Variants in MAP2K2 observed in about 807,000 individuals in gnomAD.
MAP2K2 encodes dual specificity mitogen-activated protein kinase kinase 2.
In MAP2K2, 24 loss-of-function variants were observed where a neutral mutation model predicts 43.7. The observed-to-expected ratio is 0.55, with a 90% confidence interval of 0.40 to 0.77. MAP2K2 has a LOEUF of 0.77. Among genes scored for constraint, MAP2K2 ranks in the 30% least tolerant of loss-of-function variants. The pLI is 0.00. For synonymous variants in MAP2K2, 244 were observed against 239.7 expected (o/e 1.02, Z -0.17); for missense variants, 470 against 566.8 (o/e 0.83, Z 1.73).
intron 8 of MAP2K2, 117 bp from the exon 9 acceptor site, chr19:4,095,566 AC>A: frequency 1.3e-6 from 1 of 771,768 alleles, no homozygotes; most frequent in Non-Finnish European, 2.1e-6. Flanking sequence ...CCTGGCCGAC[AC>A]CACATGCCAA....
At chr19:4,104,107 T>TA (rs1214114822) in intron 3 of MAP2K2, among the ~76,000 whole-genome samples, 17 of 150,998 alleles carry the variant, frequency 1.1e-4, no homozygotes, top group Admixed American at 5.9e-4. Flanking sequence ...CCACTAAAAA[T>TA]AAAAAAAATT....
chr19:4,095,918 G>A (rs377274109), intron 8 of MAP2K2, among the ~76,000 whole-genome samples: 52 of 152,212 alleles, frequency 3.4e-4, no homozygotes, highest in Non-Finnish European at 1.2e-4. Context: ...GGGATGACAG[G>A]TGCCCACCAC....
chr19:4,102,686 C>A lies in MAP2K2; in HGVS notation c.451-233G>T, dbSNP rs576890418. 3.1e-5 allele frequency: 35 copies of A among 1,119,472 alleles called. No homozygotes were observed. The East Asian group carries it at 9.6e-4, about 31-fold the overall frequency. The allele number at this position is 1,119,472 out of a possible 1,614,324, so 69.3% of individuals were successfully genotyped here. A position where few individuals can be genotyped will look rare whatever the true frequency, so the allele number is the denominator to read the frequency against. ...CAGGGCCCAGGGTTCCCCCGCCTCC[C>A]GTCCCATCCTCGAATCAGTTGCGTG... On this transcript the variant is annotated intron_variant, in intron 3 of 10. Transcript: ENST00000262948.
At position 4,098,870 on chromosome 19, in the gene MAP2K2, C is replaced by T. The variant is rs2145048892; in HGVS notation, c.919+331G>A. On this transcript the variant is annotated intron_variant, in intron 7 of 10. Coordinates refer to ENST00000262948, the MANE Select transcript of MAP2K2 (RefSeq NM_030662.4). ...AGGCTCTGTGGCGGCCAATTCCTTCCACTTTTCTGTGCGTTTGAATGCTTT... is the reference window on the plus strand; with the variant it reads ...AGGCTCTGTGGCGGCCAATTCCTTCTACTTTTCTGTGCGTTTGAATGCTTT... Among the ~76,000 whole-genome samples, 2 of 152,390 alleles carry T rather than the reference C, an allele frequency of 1.3e-5. 1 individual carries two copies. Among genetic ancestry groups the T allele is most frequent in the Non-Finnish European group, 2.9e-5 (2 of 68,036 alleles).
intron 7 of MAP2K2, 150 bp downstream of exon 7, chr19:4,099,051 C>T: frequency 2.9e-6 from 2 of 679,958 alleles, no homozygotes; most frequent in Non-Finnish European, 5.1e-6. Flanking sequence ...AACCCCAGGA[C>T]CATGGGAGGA....
Position 4,090,437 on chromosome 19 carries a change from G to T in MAP2K2, c.*161C>A. On this transcript the variant is annotated 3_prime_UTR_variant, in exon 11 of 11. Transcript: ENST00000262948. ...CCCGGCCAGGACGGGCAGGAGAGGA[G>T]ACCCCCGTTCCTGCATGCGCTGTCG... is the stretch of plus-strand genomic sequence containing the variant. The T allele has an allele frequency of 1.5e-6, 1 of 678,652 alleles. No homozygotes were observed. The highest frequency in any genetic ancestry group is 2.6e-6 in the Non-Finnish European group (1 of 377,550). 42.0% of individuals were successfully genotyped at this position (678,652 alleles called of 1,614,324 possible).
intron 7 of MAP2K2, among the ~76,000 whole-genome samples, chr19:4,098,948 C>T (rs1043793677): frequency 7.9e-5 from 12 of 152,260 alleles, no homozygotes; most frequent in Admixed American, 1.3e-4. Context: ...GGCAAAGCTG[C>T]GCTCCCAGAT....
intron 9 of MAP2K2, 121 bp from the exon 10 acceptor site, chr19:4,094,619 C>T: frequency 1.1e-6 from 1 of 923,370 alleles, no homozygotes; most frequent in South Asian, 1.4e-5. Flanking sequence ...TCTCTCCGAC[C>T]AGAGAGAGTG....
At position 4,101,608 on chromosome 19, in the gene MAP2K2, G is replaced by A. The variant is rs970046392; in HGVS notation, c.529-328C>T. 2.0e-5 allele frequency among the ~76,000 whole-genome samples: 3 copies of A among 152,162 alleles called. No individual in the cohort carries two copies. Among genetic ancestry groups the A allele is most frequent in the African/African-American group, 4.8e-5 (2 of 41,432 alleles). On this transcript the variant is annotated intron_variant, in intron 4 of 10. Transcript: ENST00000262948. The surrounding 1 kb of genome is among the most constrained non-coding windows in gnomAD (Gnocchi z 6.3). ...TGGCCCGGGAGTAGGCTGGGCTGCCGAGTTTGCCCACATCAGCCTGAAAGG... is the reference window on the plus strand; with the variant it reads ...TGGCCCGGGAGTAGGCTGGGCTGCCAAGTTTGCCCACATCAGCCTGAAAGG...
intron 6 of MAP2K2, 48 bp from the exon 7 acceptor site, chr19:4,099,462 G>T (rs2040969716): frequency 6.7e-7 from 1 of 1,487,112 alleles, no homozygotes; most frequent in Non-Finnish European, 9.2e-7. Flanking sequence ...GAGGATGGCA[G>T]CTGGAACCCG....
At chr19:4,096,083 T>C (rs1221238757) in intron 8 of MAP2K2, among the ~76,000 whole-genome samples, 4 of 152,206 alleles carry the variant, frequency 2.6e-5, no homozygotes, top group Non-Finnish European at 4.4e-5. Context: ...CCAAACTGGG[T>C]CCACAGTTTT....
At chr19:4,108,577 C>A (rs2041117216) in intron 3 of MAP2K2, among the ~76,000 whole-genome samples, 1 of 152,062 alleles carries the variant, frequency 6.6e-6, no homozygotes. Flanking sequence ...AAAGGGTGCA[C>A]TCCATAACAC....
chr19:4,122,782 CT>C (rs1268810759), intron 1 of MAP2K2, among the ~76,000 whole-genome samples: 1 of 151,296 alleles, frequency 6.6e-6, no homozygotes, highest in Non-Finnish European at 1.5e-5. Flanking sequence ...CATTTCACTA[CT>C]CAGAGACCTA....
At chr19:4,120,220 G>C (rs1434273292) in intron 1 of MAP2K2, among the ~76,000 whole-genome samples, 2 of 152,216 alleles carry the variant, frequency 1.3e-5, no homozygotes, top group African/African-American at 4.8e-5. Context: ...TGCTGAACAA[G>C]GACCCAGAAG....
intron 2 of MAP2K2, among the ~76,000 whole-genome samples, chr19:4,117,080 C>T (rs995480995): frequency 6.6e-6 from 1 of 152,244 alleles, no homozygotes; most frequent in Non-Finnish European, 1.5e-5. Flanking sequence ...AACACACACA[C>T]GCTTCGTCTT....
intron 3 of MAP2K2, 74 bp downstream of exon 3, chr19:4,110,434 AG>A: frequency 3.8e-6 from 6 of 1,579,218 alleles, no homozygotes; most frequent in Non-Finnish European, 3.5e-6. Flanking sequence ...AGGGGCCGTG[AG>A]GGGGTCTTCC....
rs2145080530 is a variant in MAP2K2 at position 4,117,555 on chromosome 19, G to C, written c.167C>G (p.Ala56Gly). Residue 56 changes from alanine (A) to glycine (G), a missense_variant, in exon 2 of 11, where the codon GCC (alanine) becomes GGC (glycine). Physicochemically the swap from Ala to Gly is moderately conservative, Grantham distance 60. Transcript: ENST00000262948. ...GACCTTGGCTTTCTGGGTGAGAAAG[G>C]CTTCCAGCCGCTTCTTCTGCTGCTC... is the stretch of plus-strand genomic sequence containing the variant. ...LDEQQKKRLE[A>G]FLTQKAKVGE... 1 of 1,614,142 alleles carries C rather than the reference G, an allele frequency of 6.2e-7. No individual in the cohort carries two copies. Among genetic ancestry groups the C allele is most frequent in the Non-Finnish European group, 8.5e-7 (1 of 1,180,032 alleles).
At chr19:4,111,382 C>T (rs2041152133) in intron 2 of MAP2K2, among the ~76,000 whole-genome samples, 1 of 152,166 alleles carries the variant, frequency 6.6e-6, no homozygotes, top group South Asian at 2.1e-4. Context: ...CATTTTTCCC[C>T]ATCAAATCAG....
intron 3 of MAP2K2, among the ~76,000 whole-genome samples, chr19:4,103,683 G>C: frequency 6.6e-6 from 1 of 152,242 alleles, no homozygotes; most frequent in East Asian, 1.9e-4. Flanking sequence ...AGGGGTGCCC[G>C]GGTTGCCGCT....
Sources: allele counts gnomAD v4.1 joint callset (sites outside exome capture counted in the v4.1 genomes callset), GRCh38; gene constraint gnomAD v4.1.1; non-coding constraint Gnocchi (gnomAD v3.1); transcripts MANE v1.5; gene names NCBI Gene and HGNC (gene_info 2026-07-23, HGNC 2026-07-21).